Variants in BST1 observed in about 807,000 individuals in gnomAD.
BST1 encodes bone marrow stromal cell antigen 1.
A neutral mutation model predicts 40.6 loss-of-function variants in BST1; 49 were observed. The observed-to-expected ratio is 1.21, with a 90% CI of 0.96 to 1.53. The LOEUF (loss-of-function observed/expected upper bound fraction) is 1.53. Ranked by LOEUF, BST1 falls within the 40% of genes most tolerant of loss-of-function variation. The probability of loss-of-function intolerance (pLI) is 0.00; values close to 1 mark genes in which losing one functional copy is unlikely to be tolerated. For synonymous variants in BST1, 157 were observed against 159.3 expected (o/e 0.99, Z 0.11); for missense variants, 423 against 395.9 (o/e 1.07, Z -0.58).
Position 15,732,612 on chromosome 4 carries a change from C to G in BST1, c.*767C>G, listed in dbSNP as rs1276823821. 1 of 152,198 alleles carries G rather than the reference C, an allele frequency of 6.6e-6. No homozygotes were observed. Among genetic ancestry groups the G allele is most frequent in the Non-Finnish European group, 1.5e-5 (1 of 68,056 alleles). 9.4% of individuals were successfully genotyped at this position (152,198 alleles called of 1,614,324 possible). On this transcript the variant is annotated 3_prime_UTR_variant, in exon 9 of 9. Coordinates refer to ENST00000265016, the MANE Select transcript of BST1 (RefSeq NM_004334.3). Reference sequence around the variant, plus strand: ...GGATTACAGGCGTGAGCCACCACATCCAGCCATAATAGTTACTTATAATGA... The same window carrying G: ...GGATTACAGGCGTGAGCCACCACATGCAGCCATAATAGTTACTTATAATGA...
chr4:15,770,264 G>T, the BST1 span, among the ~76,000 whole-genome samples: 4 of 152,162 alleles, frequency 2.6e-5, no homozygotes, highest in Non-Finnish European at 4.4e-5. Context: ...GTGTGGCCTG[G>T]AGATAGTCAT....
the BST1 span, among the ~76,000 whole-genome samples, chr4:15,764,386 A>T: frequency 6.6e-6 from 1 of 152,056 alleles, no homozygotes; most frequent in African/African-American, 2.4e-5. Context: ...TAAATATTCA[A>T]GAATGTATTC....
At chr4:15,726,840 G>A (rs565509229) in intron 8 of BST1, among the ~76,000 whole-genome samples, 3 of 151,692 alleles carry the variant, frequency 2.0e-5, no homozygotes, top group South Asian at 4.2e-4. Flanking sequence ...TAAGGAGAAC[G>A]AGGGTAGCTC....
At position 15,703,236 on chromosome 4, in the gene BST1, G is replaced by A; in HGVS notation, c.92G>A (p.Arg31His). The change falls in exon 1 of 9, where the codon CGC becomes CAC. Residue 31 changes from arginine (R) to histidine (H), a missense_variant. Transcript: ENST00000265016. ...TTGCTGCTGGCGGCGGGCGGGGCGC[G>A]CGCGCGGTGGCGCGGGGAGGGCACC... ...LLLLLAAGGA[R>H]ARWRGEGTSA... The A allele has an allele frequency of 1.3e-6, 2 of 1,543,280 alleles. No homozygotes were observed. Among genetic ancestry groups the A allele is most frequent in the South Asian group, 1.2e-5 (1 of 84,164 alleles).
chr4:15,749,116 A>G, the BST1 span, among the ~76,000 whole-genome samples: 5 of 152,294 alleles, frequency 3.3e-5, no homozygotes, highest in African/African-American at 4.8e-5. Flanking sequence ...TGAGGTGTCT[A>G]TCCTTCATTC....
downstream of BST1, among the ~76,000 whole-genome samples, chr4:15,741,739 C>T (rs909145845): frequency 1.3e-5 from 2 of 152,196 alleles, no homozygotes; most frequent in African/African-American, 2.4e-5. Context: ...CAGCCATGCT[C>T]ATTAGTTTGT....
intron 3 of BST1, among the ~76,000 whole-genome samples, chr4:15,709,644 A>G (rs933099119): frequency 1.1e-4 from 17 of 152,218 alleles, no homozygotes; most frequent in Admixed American, 2.0e-4. Context: ...TTTTCTATCT[A>G]TGCCCTCCTA....
the BST1 span, among the ~76,000 whole-genome samples, chr4:15,757,238 C>A: frequency 6.0e-4 from 92 of 152,276 alleles, no homozygotes; most frequent in Middle Eastern, 3.4e-3. Flanking sequence ...TTCTTCAACT[C>A]TCATATTTTC....
chr4:15,760,106 T>C, the BST1 span, among the ~76,000 whole-genome samples: 2 of 152,012 alleles, frequency 1.3e-5, no homozygotes, highest in African/African-American at 4.8e-5. Context: ...CATGCAGCCC[T>C]AGGGAACTTC....
chr4:15,714,521 A>G (rs1720401165), intron 4 of BST1, among the ~76,000 whole-genome samples: 1 of 152,200 alleles, frequency 6.6e-6, no homozygotes, highest in Non-Finnish European at 1.5e-5. Context: ...TTGTATACAG[A>G]CTTTTACTAA....
the BST1 span, among the ~76,000 whole-genome samples, chr4:15,757,918 AG>A: frequency 6.6e-5 from 10 of 151,884 alleles, no homozygotes; most frequent in Non-Finnish European, 1.0e-4. Context: ...CTGGGATTAC[AG>A]GCATGAGCCA....
At chr4:15,764,897 T>TGTGTGTGTGTGTGTGTGTGTG in the BST1 span, among the ~76,000 whole-genome samples, 5 of 132,854 alleles carry the variant, frequency 3.8e-5, no homozygotes, top group South Asian at 2.4e-4. Flanking sequence ...TGTGTGTGTG[T>TGTGTGTGTGTGTGTGTGTGTG]TTTGCAAAGT....
rs2302467 is a variant in BST1, at chr4:15,703,416, T to G, written c.188+84T>G. The G allele has an allele frequency of 0.48, 686,491 of 1,443,574 alleles. 165,747 individuals are homozygous for G. The highest frequency in any genetic ancestry group is 0.69 in the East Asian group (24,610 of 35,706). The allele number at this position is 1,443,574 out of a possible 1,614,324, so 89.4% of individuals were successfully genotyped here. On this transcript the variant is annotated intron_variant, in intron 1 of 8. Transcript: ENST00000265016. ...GGGGAGGGGAAAACTGGCGCTAAAG[T>G]TCGGGGTGAGGGGGCAATGAGAGAG...
chr4:15,748,505 C>T, the BST1 span, among the ~76,000 whole-genome samples: 3 of 152,284 alleles, frequency 2.0e-5, 1 homozygote, highest in African/African-American at 2.4e-5. Flanking sequence ...ATGTCCCCAT[C>T]CCATCTCAGG....
At chr4:15,767,073 C>G in the BST1 span, among the ~76,000 whole-genome samples, 1 of 151,854 alleles carries the variant, frequency 6.6e-6, no homozygotes, top group African/African-American at 2.4e-5. Context: ...GCTAACCCTG[C>G]CCCTCCAAAG....
chr4:15,748,629 G>T, the BST1 span, among the ~76,000 whole-genome samples: 1 of 152,204 alleles, frequency 6.6e-6, no homozygotes, highest in South Asian at 2.1e-4. Flanking sequence ...AACATGCTGT[G>T]CTTGTAGGAT....
the BST1 span, among the ~76,000 whole-genome samples, chr4:15,768,196 C>T: frequency 8.5e-5 from 13 of 152,294 alleles, no homozygotes; most frequent in African/African-American, 3.1e-4. Flanking sequence ...CAAAGAGCAG[C>T]GGTTCCGATT....
At chr4:15,705,687 C>T (rs1431629280) in intron 2 of BST1, 46 bp downstream of exon 2, 3 of 1,606,104 alleles carry the variant, frequency 1.9e-6, no homozygotes, top group Non-Finnish European at 1.7e-6. Context: ...TCTGTCTCTA[C>T]AGAAATGGAT....
chr4:15,739,633 A>C (rs979728778), downstream of BST1, among the ~76,000 whole-genome samples: 5 of 148,828 alleles, frequency 3.4e-5, no homozygotes, highest in Non-Finnish European at 7.4e-5. Flanking sequence ...TTTTCATTTG[A>C]CTTGTGCCAG....
Sources: gnomAD v4.1 joint callset for allele counts (sites outside exome capture counted in the v4.1 genomes callset) on GRCh38, gnomAD v4.1.1 for gene constraint, MANE v1.5 for transcripts, NCBI Gene and HGNC (gene_info 2026-07-23, HGNC 2026-07-21) for gene names.